The following TMEM178B variants were observed in gnomAD, a reference collection of about 807,000 sequenced individuals.
The protein encoded by TMEM178B is transmembrane protein 178B.
A neutral mutation model predicts 31.0 loss-of-function variants in TMEM178B; 5 were observed. The observed-to-expected ratio is 0.16, with a 90% CI of 0.08 to 0.34. The LOEUF (loss-of-function observed/expected upper bound fraction) is 0.34. Among genes scored for constraint, TMEM178B ranks in the 10% least tolerant of loss-of-function variants. The pLI is 1.00. For synonymous variants in TMEM178B, 164 were observed against 164.0 expected (o/e 1.00, Z 0.00); for missense variants, 275 against 400.3 (o/e 0.69, Z 2.67).
chr7:141,176,288 T>A lies in TMEM178B; in HGVS notation c.383-36303T>A, dbSNP rs540610050. 2.3e-4 allele frequency among the ~76,000 whole-genome samples: 35 copies of A among 152,328 alleles called. 1 individual carries two copies. The South Asian group carries it at 3.9e-3, about 17-fold the overall frequency. ...CTGATTTGCATATGTTGAACCAGAC[T>A]TGCATCCCAGGGATGAAGCTGACTT... On this transcript the variant is annotated intron_variant, in intron 1 of 3. Transcript: ENST00000565468.
At chr7:141,504,044 G>T in the TMEM178B span, among the ~76,000 whole-genome samples, 11 of 152,336 alleles carry the variant, frequency 7.2e-5, no homozygotes, top group East Asian at 2.1e-3. Context: ...TAGAAGAAAA[G>T]ACCTTATAGG....
chr7:141,093,613 A>G (rs983721059), intron 1 of TMEM178B, among the ~76,000 whole-genome samples: 5 of 152,222 alleles, frequency 3.3e-5, no homozygotes, highest in African/African-American at 1.2e-4. Context: ...GGAAGAGAAA[A>G]TATCCAAAGA....
intron 1 of TMEM178B, among the ~76,000 whole-genome samples, chr7:141,121,682 G>T (rs758990346): frequency 3.3e-5 from 5 of 152,132 alleles, no homozygotes; most frequent in African/African-American, 1.2e-4. Flanking sequence ...AATTAATTAT[G>T]CCTCAGTTTG....
chr7:141,099,998 G>T (rs911426273), intron 1 of TMEM178B, among the ~76,000 whole-genome samples: 6 of 151,822 alleles, frequency 4.0e-5, no homozygotes, highest in East Asian at 1.9e-4. Flanking sequence ...TTTTTGTATT[G>T]TTAGTAGAGA....
chr7:141,103,902 T>G (rs759903516), intron 1 of TMEM178B, among the ~76,000 whole-genome samples: 1 of 152,218 alleles, frequency 6.6e-6, no homozygotes, highest in African/African-American at 2.4e-5. Flanking sequence ...CAGGGTTGAT[T>G]GGATTCAGGA....
intron 2 of TMEM178B, among the ~76,000 whole-genome samples, chr7:141,389,412 G>A (rs1438341835): frequency 6.6e-6 from 1 of 152,158 alleles, no homozygotes; most frequent in Non-Finnish European, 1.5e-5. Context: ...GTCATATCCA[G>A]GCCTAGACTT....
intron 1 of TMEM178B, among the ~76,000 whole-genome samples, chr7:141,204,354 A>T (rs1014464129): frequency 6.6e-6 from 1 of 152,052 alleles, no homozygotes; most frequent in African/African-American, 2.4e-5. Context: ...CACCCCTGTC[A>T]CCCCCTTAGT....
At chr7:141,129,783 G>A (rs997868151) in intron 1 of TMEM178B, among the ~76,000 whole-genome samples, 2 of 152,074 alleles carry the variant, frequency 1.3e-5, no homozygotes, top group South Asian at 2.1e-4. Flanking sequence ...GACATGGGAC[G>A]TCAATCAAAT....
At chr7:141,248,540 G>A (rs184709399) in intron 2 of TMEM178B, among the ~76,000 whole-genome samples, 22 of 152,242 alleles carry the variant, frequency 1.4e-4, no homozygotes, top group Admixed American at 1.2e-3. Context: ...AGCCTACTAC[G>A]CACCTGGGCT....
intron 1 of TMEM178B, among the ~76,000 whole-genome samples, chr7:141,186,363 G>A (rs540093498): frequency 6.6e-6 from 1 of 152,250 alleles, no homozygotes; most frequent in Non-Finnish European, 1.5e-5. Flanking sequence ...GAAGTAAAGA[G>A]GGTGGATTTG....
chr7:141,170,694 C>T (rs1796334665), intron 1 of TMEM178B, among the ~76,000 whole-genome samples: 2 of 152,164 alleles, frequency 1.3e-5, no homozygotes, highest in African/African-American at 4.8e-5. Context: ...GGACTGTGTG[C>T]AATGCATTGC....
Position 141,080,816 on chromosome 7 carries a change from C to A in TMEM178B, c.382+6124C>A, listed in dbSNP as rs180965579. ...GACTGCAGTGGTCTCATAAGGTTAT[C>A]ATGGAGCTGAAAAATTCTTATGGCC... is the stretch of plus-strand genomic sequence containing the variant. On this transcript the variant is annotated intron_variant, in intron 1 of 3. Coordinates refer to ENST00000565468, the MANE Select transcript of TMEM178B (RefSeq NM_001195278.2). 2.0e-5 allele frequency among the ~76,000 whole-genome samples: 3 copies of A among 152,242 alleles called. No individual in the cohort carries two copies. In the East Asian group the frequency reaches 5.8e-4, roughly 29 times the overall value.
intron 2 of TMEM178B, among the ~76,000 whole-genome samples, chr7:141,429,308 TACACACACACACACACAC>T (rs3039921): frequency 6.7e-6 from 1 of 149,628 alleles, no homozygotes; most frequent in South Asian, 2.2e-4. Context: ...GAAAATGTAA[TACACACACACACACACAC>T]ACACACACAC....
intron 2 of TMEM178B, among the ~76,000 whole-genome samples, chr7:141,241,708 CT>C (rs1797625760): frequency 6.6e-6 from 1 of 151,968 alleles, no homozygotes; most frequent in South Asian, 2.1e-4. Context: ...AGGAGCTTCG[CT>C]TTGCTTCCTT....
At chr7:141,491,104 T>A in the TMEM178B span, among the ~76,000 whole-genome samples, 1 of 152,174 alleles carries the variant, frequency 6.6e-6, no homozygotes, top group Non-Finnish European at 1.5e-5. Flanking sequence ...TATGGCTCAC[T>A]GCGGCCTTGA....
chr7:141,227,667 T>C (rs186740852), intron 2 of TMEM178B, among the ~76,000 whole-genome samples: 3 of 152,252 alleles, frequency 2.0e-5, no homozygotes, highest in Non-Finnish European at 4.4e-5. Flanking sequence ...GAGGAGCCAT[T>C]GTGACATTCC....
chr7:141,108,525 A>C (rs368150994), intron 1 of TMEM178B, among the ~76,000 whole-genome samples: 8 of 152,300 alleles, frequency 5.3e-5, no homozygotes, highest in African/African-American at 1.9e-4. Context: ...TTTTGATTGC[A>C]TCAATTCTTG....
intron 1 of TMEM178B, among the ~76,000 whole-genome samples, chr7:141,093,275 G>A (rs1168397590): frequency 2.6e-5 from 4 of 152,210 alleles, no homozygotes; most frequent in South Asian, 4.1e-4. Flanking sequence ...TATCAGGATT[G>A]GCGGAGGGAT....
chr7:141,185,839 G>A (rs1796602153), intron 1 of TMEM178B, among the ~76,000 whole-genome samples: 1 of 152,092 alleles, frequency 6.6e-6, no homozygotes, highest in Non-Finnish European at 1.5e-5. Flanking sequence ...TCACAGTCAT[G>A]GCTTAGGCTG....
Sources: gnomAD v4.1 joint callset for allele counts (sites outside exome capture counted in the v4.1 genomes callset) on GRCh38, gnomAD v4.1.1 for gene constraint, MANE v1.5 for transcripts, NCBI Gene and HGNC (gene_info 2026-07-23, HGNC 2026-07-21) for gene names.